Variants in CWC27 observed in about 807,000 individuals in gnomAD.
The protein encoded by CWC27 is CWC27 spliceosome associated cyclophilin, also known as spliceosome-associated protein CWC27 homolog.
A neutral mutation model predicts 63.6 loss-of-function variants in CWC27; 47 were observed. The observed-to-expected ratio is 0.74, with a 90% CI of 0.58 to 0.94. The LOEUF is 0.94. CWC27 is among the 40% of genes least tolerant of loss of function. The pLI is 0.00. For missense variants in CWC27, 495 were observed against 554.3 expected, an observed-to-expected ratio of 0.89 and a Z score of 1.07; for synonymous variants, 175 against 179.8, an observed-to-expected ratio of 0.97 and a Z score of 0.22.
intron 10 of CWC27, among the ~76,000 whole-genome samples, chr5:64,875,088 AC>A (rs199870657): frequency 0.16 from 24,898 of 151,792 alleles, 2,323 homozygotes; most frequent in East Asian, 0.37. Context: ...AATATCACCT[AC>A]TGATATTATT....
rs1483071190 is a variant in CWC27, at chr5:64,841,460, T to C, written c.938+37074T>C. ...AGGGGACATTTAAAACATAGCACTG[T>C]TCTAGATTCCCTCTCTCAGTGAATA... On this transcript the variant is annotated intron_variant, in intron 10 of 13. Coordinates refer to ENST00000381070, the MANE Select transcript of CWC27 (RefSeq NM_005869.4). Among the ~76,000 whole-genome samples, 3 of 152,184 alleles carry C rather than the reference T, an allele frequency of 2.0e-5. No homozygotes were observed. In the East Asian group the frequency reaches 5.8e-4, roughly 29 times the overall value.
chr5:64,965,950 CT>C (rs1217968210), intron 11 of CWC27, among the ~76,000 whole-genome samples: 6 of 152,082 alleles, frequency 3.9e-5, no homozygotes, highest in African/African-American at 1.4e-4. Flanking sequence ...AGGATTTGAA[CT>C]ACGTGCCTGT....
rs542997418 is a variant in CWC27, at chr5:64,904,853, C to T, written c.1042+19307C>T. On this transcript the variant is annotated intron_variant, in intron 11 of 13. Transcript: ENST00000381070. ...GCTCATAGGAATTTAATTGTAAGAC[C>T]TACCTATATGCAACCTCGAGATACT... Among the ~76,000 whole-genome samples, 3 of 152,206 alleles carry T rather than the reference C, an allele frequency of 2.0e-5. No individual in the cohort carries two copies. The South Asian group carries it at 6.2e-4, about 32-fold the overall frequency.
At chr5:64,808,360 A>G (rs1744762472) in intron 10 of CWC27, 2 of 986,112 alleles carry the variant, frequency 2.0e-6, no homozygotes, top group Admixed American at 6.0e-5. Flanking sequence ...TCCTTAGTGC[A>G]AACCTATGTG....
intron 10 of CWC27, among the ~76,000 whole-genome samples, chr5:64,869,536 A>G (rs902899831): frequency 6.6e-6 from 1 of 152,036 alleles, no homozygotes; most frequent in Non-Finnish European, 1.5e-5. Flanking sequence ...ATGAAGCCTT[A>G]TGGAAAAGAA....
chr5:64,769,895 A>G (rs1317114521), intron 1 of CWC27, among the ~76,000 whole-genome samples: 1 of 152,228 alleles, frequency 6.6e-6, no homozygotes, highest in Non-Finnish European at 1.5e-5. Flanking sequence ...TGGCTAATGT[A>G]TGCCAATTCC....
chr5:64,969,426 G>A, intron 11 of CWC27, among the ~76,000 whole-genome samples: 1 of 151,994 alleles, frequency 6.6e-6, no homozygotes, highest in East Asian at 1.9e-4. Context: ...AATAATTATT[G>A]ACTCCCTAAA....
At chr5:64,774,311 A>C (rs902450396) in intron 1 of CWC27, among the ~76,000 whole-genome samples, 1 of 152,136 alleles carries the variant, frequency 6.6e-6, no homozygotes, top group African/African-American at 2.4e-5. Flanking sequence ...ATGCCTGGCT[A>C]ATTAAAACAA....
rs376117908 is a variant in CWC27 at position 64,821,160 on chromosome 5, C to T, written c.938+16774C>T. 5.3e-5 allele frequency among the ~76,000 whole-genome samples: 8 copies of T among 149,552 alleles called. No homozygotes were observed. The East Asian group carries it at 1.6e-3, about 29-fold the overall frequency. On this transcript the variant is annotated intron_variant, in intron 10 of 13. Coordinates refer to ENST00000381070, the MANE Select transcript of CWC27 (RefSeq NM_005869.4). ...AGTACAGTGGAGCAATCTTGGCTCA[C>T]TGCAACCTCCAACTCCATGGTTCAA...
intron 11 of CWC27, among the ~76,000 whole-genome samples, chr5:64,959,026 A>G (rs1048993809): frequency 4.6e-5 from 7 of 152,196 alleles, no homozygotes; most frequent in African/African-American, 1.7e-4. Context: ...GCATAAAAAT[A>G]TGCTGAAAAT....
At chr5:64,788,913 CTCTTTCTTTTTTTTTT>C (rs774091648) in intron 6 of CWC27, 22 bp from the exon 7 acceptor site, 13 of 1,379,800 alleles carry the variant, frequency 9.4e-6, no homozygotes, top group South Asian at 2.6e-5. Context: ...ATTTGACTTT[CTCTTTCTTTTTTTTTT>C]TCTTTCTTTT....
At chr5:64,978,988 C>A (rs1472697755) in intron 13 of CWC27, among the ~76,000 whole-genome samples, 1 of 152,178 alleles carries the variant, frequency 6.6e-6, no homozygotes, top group African/African-American at 2.4e-5. Flanking sequence ...CAAGGTTCTT[C>A]CTAGCCCCTT....
chr5:64,845,897 A>T (rs1745965603), intron 10 of CWC27, among the ~76,000 whole-genome samples: 1 of 152,232 alleles, frequency 6.6e-6, no homozygotes, highest in Admixed American at 6.5e-5. Flanking sequence ...AATTTCAATC[A>T]AATTCAACAC....
rs1209269991 is a variant in CWC27 at position 64,786,470 on chromosome 5, T to A, written c.496-54T>A. 4.3e-6 allele frequency: 5 copies of A among 1,155,342 alleles called. No homozygotes were observed. In the East Asian group the frequency reaches 1.3e-4, roughly 31 times the overall value. 71.6% of individuals were successfully genotyped at this position (1,155,342 alleles called of 1,614,324 possible). The stretch of plus-strand genomic sequence containing the variant: ...ACTGGAATTACATACGGGGTTTGAT[T>A]TTTTGTGAAATGTTAAAAATGGAAT... On this transcript the variant is annotated intron_variant, in intron 5 of 13. Transcript: ENST00000381070.
intron 12 of CWC27, among the ~76,000 whole-genome samples, chr5:64,974,631 A>G (rs1163049651): frequency 6.6e-6 from 1 of 152,210 alleles, no homozygotes; most frequent in Non-Finnish European, 1.5e-5. Flanking sequence ...AGACCATATC[A>G]TATAGATTAA....
chr5:64,958,750 G>A (rs949846671), intron 11 of CWC27, among the ~76,000 whole-genome samples: 22 of 152,014 alleles, frequency 1.4e-4, no homozygotes, highest in African/African-American at 4.6e-4. Context: ...AGAGGAAAAC[G>A]TTCTGTATTA....
chr5:64,861,497 C>G (rs1376815721), intron 10 of CWC27, among the ~76,000 whole-genome samples: 4 of 152,136 alleles, frequency 2.6e-5, no homozygotes, highest in Non-Finnish European at 5.9e-5. Context: ...CTGGAAACCA[C>G]CAATGTACCA....
At chr5:64,784,062 C>T in intron 4 of CWC27, 83 bp downstream of exon 4, 1 of 1,201,512 alleles carries the variant, frequency 8.3e-7, no homozygotes, top group Non-Finnish European at 1.1e-6. Context: ...ATATGATTAA[C>T]TTATCTAAGA....
intron 10 of CWC27, among the ~76,000 whole-genome samples, chr5:64,809,916 A>G (rs1470168323): frequency 2.0e-5 from 3 of 151,028 alleles, no homozygotes; most frequent in African/African-American, 7.3e-5. Context: ...CTACTTGTCT[A>G]TTTTTACTTT....
Sources: allele counts gnomAD v4.1 joint callset (sites outside exome capture counted in the v4.1 genomes callset), GRCh38; gene constraint gnomAD v4.1.1; transcripts MANE v1.5; gene names NCBI Gene and HGNC (gene_info 2026-07-23, HGNC 2026-07-21).